The following DCDC2 variants were observed in gnomAD, a reference collection of about 807,000 sequenced individuals.
DCDC2 encodes the protein doublecortin domain containing 2.
A neutral mutation model predicts 50.2 loss-of-function variants in DCDC2; 40 were observed. The ratio of observed to expected loss-of-function variants is 0.80; its 90% confidence interval spans 0.62 to 1.04. The LOEUF is 1.04. Ranked by LOEUF, DCDC2 falls within the 50% of genes least tolerant of loss-of-function variation. DCDC2 has a pLI of 0.00. For synonymous variants in DCDC2, 234 were observed against 210.6 expected, an observed-to-expected ratio of 1.11 and a Z score of -0.96; for missense variants, 570 against 581.9, an observed-to-expected ratio of 0.98 and a Z score of 0.21.
At chr6:24,245,398 G>T (rs1273952888) in intron 7 of DCDC2, among the ~76,000 whole-genome samples, 3 of 152,182 alleles carry the variant, frequency 2.0e-5, no homozygotes, top group East Asian at 1.9e-4. Context: ...CACTAGACCA[G>T]AAAGTAGAAA....
At chr6:24,204,627 A>G (rs1254141882) in intron 8 of DCDC2, among the ~76,000 whole-genome samples, 3 of 152,162 alleles carry the variant, frequency 2.0e-5, no homozygotes, top group Non-Finnish European at 4.4e-5. Context: ...TTAAAGTATA[A>G]TTTTTTAAAA....
chr6:24,308,691 T>A (rs1759519449), intron 2 of DCDC2, among the ~76,000 whole-genome samples: 1 of 151,902 alleles, frequency 6.6e-6, no homozygotes, highest in Non-Finnish European at 1.5e-5. Context: ...GTAGAAAAGG[T>A]GGAAAAATGA....
intron 2 of DCDC2, among the ~76,000 whole-genome samples, chr6:24,329,694 C>G (rs970185222): frequency 6.6e-6 from 1 of 152,196 alleles, no homozygotes; most frequent in Non-Finnish European, 1.5e-5. Flanking sequence ...TAGTTACATT[C>G]AATACAAATA....
chr6:24,210,024 GT>G (rs1229300221), intron 7 of DCDC2, among the ~76,000 whole-genome samples: 4 of 25,654 alleles, frequency 1.6e-4, no homozygotes, highest in Admixed American at 8.0e-4. Context: ...ATCAGGGTGT[GT>G]GTGTGTGTGT....
chr6:24,276,887 C>T (rs1763370617), intron 7 of DCDC2, among the ~76,000 whole-genome samples: 1 of 152,044 alleles, frequency 6.6e-6, no homozygotes, highest in Non-Finnish European at 1.5e-5. Flanking sequence ...AATGAGCTGC[C>T]CAAGGTCAAT....
chr6:24,210,052 GTGTCTGTC>G (rs1554145331), intron 7 of DCDC2, among the ~76,000 whole-genome samples: 8 of 133,204 alleles, frequency 6.0e-5, no homozygotes, highest in Non-Finnish European at 9.7e-5. Flanking sequence ...GTGTGTGTGT[GTGTCTGTC>G]TGTCTGTCTG....
At chr6:24,340,715 A>G (rs991285517) in intron 2 of DCDC2, among the ~76,000 whole-genome samples, 2 of 152,074 alleles carry the variant, frequency 1.3e-5, no homozygotes, top group African/African-American at 4.8e-5. Flanking sequence ...TAGATGACTT[A>G]TTTTCTAAAA....
upstream of DCDC2, among the ~76,000 whole-genome samples, chr6:24,359,823 C>A (rs1361528694): frequency 6.6e-6 from 1 of 152,142 alleles, no homozygotes; most frequent in African/African-American, 2.4e-5. Flanking sequence ...GTGTCTAGGA[C>A]CCCTAACCCC....
At chr6:24,203,525 TA>T (rs151132814) in intron 8 of DCDC2, among the ~76,000 whole-genome samples, 2 of 151,980 alleles carry the variant, frequency 1.3e-5, no homozygotes, top group African/African-American at 4.8e-5. Flanking sequence ...CCTAAAACCA[TA>T]AAAACCCTAG....
At chr6:24,301,109 A>T (rs533806484) in intron 4 of DCDC2, among the ~76,000 whole-genome samples, 1 of 151,758 alleles carries the variant, frequency 6.6e-6, no homozygotes, top group East Asian at 1.9e-4. Flanking sequence ...TGGTGGCTCA[A>T]GCCTGTAATC....
chr6:24,377,728 C>G, the DCDC2 span, among the ~76,000 whole-genome samples: 1 of 152,196 alleles, frequency 6.6e-6, no homozygotes, highest in Non-Finnish European at 1.5e-5. Context: ...TGACTTACAC[C>G]TGTAATCCCA....
At chr6:24,314,120 T>C (rs1274189548) in intron 2 of DCDC2, among the ~76,000 whole-genome samples, 2 of 152,196 alleles carry the variant, frequency 1.3e-5, no homozygotes, top group Admixed American at 1.3e-4. Flanking sequence ...CCAAAAATAC[T>C]AAAGTGTTAT....
chr6:24,381,951 GGAAA>G, the DCDC2 span, among the ~76,000 whole-genome samples: 212 of 117,464 alleles, frequency 1.8e-3, 1 homozygote, highest in African/African-American at 6.2e-3. Flanking sequence ...AGAAGAAGAA[GGAAA>G]GAAAGAAGGA....
At chr6:24,248,057 C>G (rs146801080) in intron 7 of DCDC2, among the ~76,000 whole-genome samples, 3 of 152,234 alleles carry the variant, frequency 2.0e-5, no homozygotes, top group Admixed American at 6.5e-5. Context: ...GCCTGGGCAA[C>G]AAGAACAAAA....
chr6:24,310,643 A>G (rs1227299971), intron 2 of DCDC2, among the ~76,000 whole-genome samples: 2 of 152,132 alleles, frequency 1.3e-5, no homozygotes, highest in South Asian at 2.1e-4. Context: ...CTCTAGTCCA[A>G]ATTTTTCTCC....
intron 2 of DCDC2, among the ~76,000 whole-genome samples, chr6:24,322,890 G>C (rs187621217): frequency 1.3e-5 from 2 of 152,220 alleles, no homozygotes; most frequent in East Asian, 3.9e-4. Flanking sequence ...ATCTCCTGAG[G>C]GCTGTGTCAC....
At chr6:24,277,106 C>CTAATA (rs1312225756) in intron 7 of DCDC2, among the ~76,000 whole-genome samples, 1 of 152,206 alleles carries the variant, frequency 6.6e-6, no homozygotes, top group East Asian at 1.9e-4. Flanking sequence ...AAACTGTCTC[C>CTAATA]TCAGCTGTGA....
chr6:24,222,495 AGGTTTAATACCTGATT>A (rs1361161364), intron 7 of DCDC2, among the ~76,000 whole-genome samples: 2 of 152,216 alleles, frequency 1.3e-5, no homozygotes, highest in African/African-American at 4.8e-5. Flanking sequence ...AAATAACCAC[AGGTTTAATACCTGATT>A]ATATCAGAAA....
chr6:24,318,802 T>TGTGTGTGTGTGTGTGTGTG (rs1759720796), intron 2 of DCDC2, among the ~76,000 whole-genome samples: 1 of 151,992 alleles, frequency 6.6e-6, no homozygotes, highest in Admixed American at 6.6e-5. Context: ...TGTGTGTGTA[T>TGTGTGTGTGTGTGTGTGTG]TATATCACAT....
Sources: allele counts gnomAD v4.1 joint callset (sites outside exome capture counted in the v4.1 genomes callset), GRCh38; gene constraint gnomAD v4.1.1; transcripts MANE v1.5; gene names NCBI Gene and HGNC (gene_info 2026-07-23, HGNC 2026-07-21).